The following COL25A1 variants were observed in gnomAD, a reference collection of about 807,000 sequenced individuals.
COL25A1 encodes collagen type XXV alpha 1 chain.
Under a neutral mutation model 128.4 loss-of-function variants are expected in COL25A1, and 103 were observed. That is an observed-to-expected ratio of 0.80 (90% CI 0.68 to 0.94). COL25A1 has a LOEUF of 0.94. COL25A1 is among the 40% of genes least tolerant of loss of function. The pLI is 0.00. For missense variants in COL25A1, 745 were observed against 840.0 expected (o/e 0.89, Z 1.40); for synonymous variants, 279 against 277.2 (o/e 1.01, Z -0.06).
At position 109,054,474 on chromosome 4, in the gene COL25A1, T is replaced by C. The variant is rs1289975828; in HGVS notation, c.368-4295A>G. Among the ~76,000 whole-genome samples the C allele has an allele frequency of 3.9e-5, 6 of 152,188 alleles. No individual in the cohort carries two copies. The East Asian group carries it at 1.2e-3, about 29-fold the overall frequency. ...TTTTTCATTCATGTGTTGAAGCTTA[T>C]AAACCATTTCCGTGCTATATTACTG... On this transcript the variant is annotated intron_variant, in intron 3 of 37. Transcript: ENST00000399132.
At position 109,198,024 on chromosome 4, in the gene COL25A1, AT is replaced by A. The variant is rs113871077; in HGVS notation, c.367+102558del. Among the ~76,000 whole-genome samples the A allele has an allele frequency of 4.0e-3, 605 of 151,456 alleles. 5 individuals are homozygous for A. The highest frequency in any genetic ancestry group is 0.014 in the African/African-American group (575 of 41,340). On this transcript the variant is annotated intron_variant, in intron 3 of 37. Transcript: ENST00000399132. ...AGCTCTGCTTCTTTGTAACAGCAAG[AT>A]TTTTTTTTATTATTCATGTCTTAAA... is the stretch of plus-strand genomic sequence containing the variant.
At position 109,090,759 on chromosome 4, in the gene COL25A1, G is replaced by A. The variant is rs1764822954; in HGVS notation, c.368-40580C>T. Among the ~76,000 whole-genome samples, 4 of 152,234 alleles carry A rather than the reference G, an allele frequency of 2.6e-5. No homozygotes were observed. In the South Asian group the frequency reaches 8.3e-4, roughly 32 times the overall value. On this transcript the variant is annotated intron_variant, in intron 3 of 37. Transcript: ENST00000399132. The stretch of plus-strand genomic sequence containing the variant: ...TTATTTTCTGAATTAACATCATTGA[G>A]AACTATAGTGAGCAGCATGATGTGA...
chr4:109,064,028 C>CA (rs1334465244), intron 3 of COL25A1, among the ~76,000 whole-genome samples: 1 of 152,106 alleles, frequency 6.6e-6, no homozygotes, highest in Non-Finnish European at 1.5e-5. Flanking sequence ...ACTTGACAAA[C>CA]AGAGTCAAAG....
At chr4:108,818,658 T>G (rs1315009485) in intron 36 of COL25A1, among the ~76,000 whole-genome samples, 1 of 152,096 alleles carries the variant, frequency 6.6e-6, no homozygotes, top group Non-Finnish European at 1.5e-5. Context: ...ACCATTAAAC[T>G]GAAAAGGTTA....
At chr4:109,284,859 A>T (rs1723721975) in intron 3 of COL25A1, among the ~76,000 whole-genome samples, 2 of 151,326 alleles carry the variant, frequency 1.3e-5, no homozygotes, top group Non-Finnish European at 2.9e-5. Context: ...AAAAACCTAT[A>T]CAATAAAGAG....
chr4:109,135,046 A>AC (rs1769588881), intron 3 of COL25A1, among the ~76,000 whole-genome samples: 1 of 145,680 alleles, frequency 6.9e-6, no homozygotes, highest in Admixed American at 6.8e-5. Flanking sequence ...AAAAAAAAAA[A>AC]CCAAGAGAAT....
intron 3 of COL25A1, among the ~76,000 whole-genome samples, chr4:109,148,896 T>G (rs1771203982): frequency 6.6e-6 from 1 of 152,166 alleles, no homozygotes; most frequent in African/African-American, 2.4e-5. Context: ...TTTTGGAATC[T>G]TCTTCCTACC....
chr4:108,823,792 T>G, intron 35 of COL25A1: 298 of 531,754 alleles, frequency 5.6e-4, no homozygotes, highest in Non-Finnish European at 7.6e-4. Flanking sequence ...TGAAGACAAG[T>G]GAGATGCTGC....
chr4:109,013,144 G>A (rs1345260780), intron 5 of COL25A1, among the ~76,000 whole-genome samples: 4 of 152,104 alleles, frequency 2.6e-5, no homozygotes, highest in East Asian at 1.9e-4. Context: ...GTTTGTAAAC[G>A]CACCAATCAG....
At chr4:109,164,463 T>C (rs1427708813) in intron 3 of COL25A1, among the ~76,000 whole-genome samples, 1 of 152,132 alleles carries the variant, frequency 6.6e-6, no homozygotes, top group Non-Finnish European at 1.5e-5. Context: ...GAAATACATG[T>C]GTTTGTTTGT....
chr4:108,976,098 CT>C (rs1206365877), intron 6 of COL25A1, among the ~76,000 whole-genome samples: 1 of 151,980 alleles, frequency 6.6e-6, no homozygotes, highest in African/African-American at 2.4e-5. Context: ...ATAGTTGTCC[CT>C]TTTTATATTC....
At chr4:109,262,623 A>C (rs1255051195) in intron 3 of COL25A1, among the ~76,000 whole-genome samples, 1 of 152,178 alleles carries the variant, frequency 6.6e-6, no homozygotes, top group Non-Finnish European at 1.5e-5. Flanking sequence ...CTTTCAGTTC[A>C]TCGGTAAAAG....
intron 3 of COL25A1, among the ~76,000 whole-genome samples, chr4:109,247,830 G>A (rs1016024389): frequency 1.3e-5 from 2 of 152,014 alleles, no homozygotes; most frequent in African/African-American, 4.8e-5. Flanking sequence ...GAAGAATACA[G>A]AAACATAAGA....
chr4:109,029,873 T>C (rs1293104941), intron 5 of COL25A1, among the ~76,000 whole-genome samples: 1 of 152,190 alleles, frequency 6.6e-6, no homozygotes, highest in Non-Finnish European at 1.5e-5. Flanking sequence ...ATTGTCTTTA[T>C]ATATTATTCA....
intron 8 of COL25A1, among the ~76,000 whole-genome samples, chr4:108,968,468 A>G (rs1048779123): frequency 6.8e-6 from 1 of 148,148 alleles, no homozygotes; most frequent in Non-Finnish European, 1.5e-5. Flanking sequence ...TCAGAATATT[A>G]TATTGGCCAC....
chr4:109,267,494 G>A (rs770339326), intron 3 of COL25A1, among the ~76,000 whole-genome samples: 2 of 152,120 alleles, frequency 1.3e-5, no homozygotes, highest in Non-Finnish European at 2.9e-5. Context: ...AATCTTCAAT[G>A]TCTCCCATCA....
chr4:108,945,191 G>A (rs1331200797), intron 8 of COL25A1, among the ~76,000 whole-genome samples: 5 of 152,024 alleles, frequency 3.3e-5, no homozygotes, highest in East Asian at 1.9e-4. Flanking sequence ...AGCAAACATC[G>A]ATATATATTA....
intron 5 of COL25A1, among the ~76,000 whole-genome samples, chr4:109,030,160 C>T (rs1758697202): frequency 6.6e-6 from 1 of 152,156 alleles, no homozygotes; most frequent in African/African-American, 2.4e-5. Flanking sequence ...TATCACATCC[C>T]TCCAGAGAGG....
chr4:108,974,523 A>T lies in COL25A1; in HGVS notation c.465+10T>A. The T allele has an allele frequency of 6.2e-7, 1 of 1,610,878 alleles. No individual in the cohort carries two copies. On this transcript the variant is annotated intron_variant, in intron 7 of 37. Transcript: ENST00000399132. ...TTCACTAACTTTATTTCTGGTATGC[A>T]TTTTCTTACCTTATCGCCTTTTGGA...
Sources: allele counts gnomAD v4.1 joint callset (sites outside exome capture counted in the v4.1 genomes callset), GRCh38; gene constraint gnomAD v4.1.1; transcripts MANE v1.5; gene names NCBI Gene and HGNC (gene_info 2026-07-23, HGNC 2026-07-21).